Variants in MCTP2 observed in about 807,000 individuals in gnomAD.
The protein encoded by MCTP2 is multiple C2 and transmembrane domain-containing protein 2.
A neutral mutation model predicts 111.6 loss-of-function variants in MCTP2; 132 were observed. The observed-to-expected ratio is 1.18, with a 90% CI of 1.03 to 1.37. The LOEUF (loss-of-function observed/expected upper bound fraction) is 1.37. Among genes scored for constraint, MCTP2 ranks in the 40% most tolerant of loss-of-function variants. The probability of loss-of-function intolerance (pLI) is 0.00; values close to 1 mark genes in which losing one functional copy is unlikely to be tolerated. For synonymous variants in MCTP2, 395 were observed against 387.7 expected (o/e 1.02, Z -0.22); for missense variants, 1,183 against 1,067.9 (o/e 1.11, Z -1.50).
In MCTP2 at chr15:94,243,174, C is replaced by T. The variant is rs147818046; in HGVS notation, c.-66+11510C>T. On this transcript the variant is annotated intron_variant, in intron 1 of 22. Transcript: ENST00000357742. ...ATACGTGTGTGTATATACATACGTA[C>T]GTATGTACGTATGCGTATATACGTA... Among the ~76,000 whole-genome samples, 220 of 144,194 alleles carry T rather than the reference C, an allele frequency of 1.5e-3. 8 individuals carry two copies. Among genetic ancestry groups the T allele is most frequent in the African/African-American group, 5.4e-3 (204 of 37,718 alleles). The allele number at this position is 144,194 out of a possible 152,430, so 94.6% of individuals were successfully genotyped here.
chr15:94,461,025 TG>T (rs1466387939), intron 20 of MCTP2, among the ~76,000 whole-genome samples: 1 of 151,560 alleles, frequency 6.6e-6, no homozygotes, highest in Non-Finnish European at 1.5e-5. Flanking sequence ...ACTGATGGGT[TG>T]GGGGGGACCC....
chr15:94,399,996 G>A lies in MCTP2; in HGVS notation c.1965+1G>A. The A allele has an allele frequency of 1.2e-6, 2 of 1,613,914 alleles. No homozygotes were observed. Among genetic ancestry groups the A allele is most frequent in the East Asian group, 4.5e-5 (2 of 44,876 alleles). ...AGACAGCCGCAAGCTGTCCAAAAAGGTGGGTCGCTACAGTAGGTGGCTTGT... is the reference window on the plus strand; with the variant it reads ...AGACAGCCGCAAGCTGTCCAAAAAGATGGGTCGCTACAGTAGGTGGCTTGT... On this transcript the variant is annotated splice_donor_variant, in intron 16 of 22. Coordinates refer to ENST00000357742, the MANE Select transcript of MCTP2 (RefSeq NM_001385001.1). LOFTEE classifies it high-confidence loss of function.
chr15:94,383,767 A>C (rs1171623960), intron 12 of MCTP2, among the ~76,000 whole-genome samples: 2 of 152,110 alleles, frequency 1.3e-5, no homozygotes, highest in African/African-American at 4.8e-5. Context: ...ATTCAAGATG[A>C]TATTTGGGTG....
intron 18 of MCTP2, among the ~76,000 whole-genome samples, chr15:94,441,013 A>G (rs781534064): frequency 4.0e-5 from 6 of 151,678 alleles, no homozygotes; most frequent in Non-Finnish European, 8.8e-5. Flanking sequence ...TTTTTTTATG[A>G]TGTAATCTAG....
At chr15:94,244,011 A>G (rs1283046694) in intron 1 of MCTP2, among the ~76,000 whole-genome samples, 2 of 147,372 alleles carry the variant, frequency 1.4e-5, no homozygotes, top group African/African-American at 2.5e-5. Context: ...ATGCACACAT[A>G]TGTATACACA....
intron 14 of MCTP2, among the ~76,000 whole-genome samples, chr15:94,397,972 T>C (rs2152471325): frequency 6.6e-6 from 1 of 152,328 alleles, no homozygotes; most frequent in Middle Eastern, 3.4e-3. Context: ...AAATCATGAC[T>C]GCTATCAAAT....
At chr15:94,409,590 C>G (rs2082061376) in intron 17 of MCTP2, among the ~76,000 whole-genome samples, 1 of 152,042 alleles carries the variant, frequency 6.6e-6, no homozygotes, top group Admixed American at 6.6e-5. Context: ...TGAGCTTGAT[C>G]CAGATTTTAG....
At chr15:94,423,267 A>G (rs985500719) in intron 17 of MCTP2, among the ~76,000 whole-genome samples, 7 of 152,170 alleles carry the variant, frequency 4.6e-5, no homozygotes, top group African/African-American at 9.7e-5. Context: ...TAATCCTCTC[A>G]AGAGCCCTTG....
intron 4 of MCTP2, among the ~76,000 whole-genome samples, chr15:94,332,389 G>A (rs564591211): frequency 3.3e-5 from 5 of 152,130 alleles, no homozygotes; most frequent in African/African-American, 4.8e-5. Context: ...ATATTCAGAA[G>A]ACTATAAATG....
Position 94,253,611 on chromosome 15 carries a change from A to G in MCTP2, c.-66+21947A>G, listed in dbSNP as rs1196017039. 4.6e-5 allele frequency among the ~76,000 whole-genome samples: 7 copies of G among 152,266 alleles called. No individual in the cohort carries two copies. In the East Asian group the frequency reaches 1.2e-3, roughly 25 times the overall value. ...ACAACACTGTTGGAATTGCTTTGCT[A>G]TCTGCTTCTCCTACTGTACTCTGAG... On this transcript the variant is annotated intron_variant, in intron 1 of 22. Coordinates refer to ENST00000357742, the MANE Select transcript of MCTP2 (RefSeq NM_001385001.1).
At position 94,299,563 on chromosome 15, in the gene MCTP2, T is replaced by G. The variant is rs551546434; in HGVS notation, c.465+833T>G. On this transcript the variant is annotated intron_variant, in intron 2 of 22. Coordinates refer to ENST00000357742, the MANE Select transcript of MCTP2 (RefSeq NM_001385001.1). ...ACCAAATATAATGATGACACAAATA[T>G]TTTATTTCAAGGGTGAATATAATTT... 2.6e-5 allele frequency among the ~76,000 whole-genome samples: 4 copies of G among 152,334 alleles called. No individual in the cohort carries two copies. The East Asian group carries it at 7.7e-4, about 29-fold the overall frequency.
At chr15:94,239,532 A>G (rs1217843061) in intron 1 of MCTP2, among the ~76,000 whole-genome samples, 1 of 152,150 alleles carries the variant, frequency 6.6e-6, no homozygotes. Flanking sequence ...CATCTCCTTT[A>G]AGTCTTTACT....
intron 17 of MCTP2, among the ~76,000 whole-genome samples, chr15:94,421,452 G>T (rs527880188): frequency 1.3e-5 from 2 of 152,146 alleles, no homozygotes; most frequent in Non-Finnish European, 2.9e-5. Context: ...AGTGCTGGAG[G>T]TCAGAAGTCT....
Position 94,356,247 on chromosome 15 carries a change from C to T in MCTP2, c.1116C>T (p.Ser372=), listed in dbSNP as rs754327767. 30 of 1,612,670 alleles carry T rather than the reference C, an allele frequency of 1.9e-5. No individual in the cohort carries two copies. The highest frequency in any genetic ancestry group is 2.5e-5 in the Non-Finnish European group (29 of 1,179,332). Residue 372 remains serine (S), a synonymous_variant, in exon 9 of 23, where the codon AGC becomes AGT. Coordinates refer to ENST00000357742, the MANE Select transcript of MCTP2 (RefSeq NM_001385001.1). Reference sequence around the variant, plus strand: ...AAGGGAAGAATGTCTCAGGAGGAAGCATGACAGAGATGTTTGTCCAGTTAA... The same window carrying T: ...AAGGGAAGAATGTCTCAGGAGGAAGTATGACAGAGATGTTTGTCCAGTTAA... ...LLEGKNVSGG[S]MTEMFVQLKL...
At chr15:94,310,176 C>T (rs748173023) in intron 2 of MCTP2, among the ~76,000 whole-genome samples, 2 of 152,108 alleles carry the variant, frequency 1.3e-5, no homozygotes, top group Non-Finnish European at 2.9e-5. Context: ...TTACGGATTT[C>T]GAAGGCATTA....
chr15:94,325,157 A>G (rs531006291), intron 4 of MCTP2, among the ~76,000 whole-genome samples: 7 of 152,088 alleles, frequency 4.6e-5, no homozygotes, highest in African/African-American at 7.2e-5. Flanking sequence ...GGCTTTGGAC[A>G]TGGACCACCG....
At chr15:94,348,075 G>A (rs1219491320) in intron 8 of MCTP2, among the ~76,000 whole-genome samples, 1 of 152,046 alleles carries the variant, frequency 6.6e-6, no homozygotes, top group Non-Finnish European at 1.5e-5. Context: ...TCTGTTATAT[G>A]TATTAATATG....
At chr15:94,311,295 G>A (rs1182537370) in intron 2 of MCTP2, among the ~76,000 whole-genome samples, 1 of 137,714 alleles carries the variant, frequency 7.3e-6, no homozygotes, top group Non-Finnish European at 1.5e-5. Context: ...CCAAAGTGCT[G>A]GGATTACAGG....
chr15:94,377,805 G>A (rs1322071868), intron 12 of MCTP2, among the ~76,000 whole-genome samples: 1 of 152,154 alleles, frequency 6.6e-6, no homozygotes, highest in Non-Finnish European at 1.5e-5. Context: ...ACCGCAGGAA[G>A]TGATGTTCTA....
Sources: allele counts gnomAD v4.1 joint callset (sites outside exome capture counted in the v4.1 genomes callset), GRCh38; gene constraint gnomAD v4.1.1; transcripts MANE v1.5; gene names NCBI Gene and HGNC (gene_info 2026-07-23, HGNC 2026-07-21).